ELOVL6: variants seen among roughly 807,000 people sequenced by gnomAD.
The protein encoded by ELOVL6 is ELOVL fatty acid elongase 6, also known as very long chain fatty acid elongase 6.
ELOVL6 carries 8 observed loss-of-function variants against 31.7 expected under a neutral mutation model. The ratio of observed to expected loss-of-function variants is 0.25; its 90% CI spans 0.15 to 0.45. ELOVL6 has a LOEUF of 0.45. Among genes scored for constraint, ELOVL6 ranks in the 20% least tolerant of loss-of-function variants. The probability of loss-of-function intolerance (pLI) is 1.00; values close to 1 mark genes in which losing one functional copy is unlikely to be tolerated. For synonymous variants in ELOVL6, 101 were observed against 117.7 expected, an observed-to-expected ratio of 0.86 and a Z score of 0.92; for missense variants, 126 against 326.4, an observed-to-expected ratio of 0.39 and a Z score of 4.73.
At chr4:110,112,310 A>G (rs1238007260) in intron 1 of ELOVL6, among the ~76,000 whole-genome samples, 1 of 152,214 alleles carries the variant, frequency 6.6e-6, no homozygotes. Context: ...ATCAGATGGG[A>G]TCACCTTTAG....
chr4:110,081,899 A>G (rs918132310), intron 2 of ELOVL6, among the ~76,000 whole-genome samples: 1 of 151,040 alleles, frequency 6.6e-6, no homozygotes, highest in African/African-American at 2.4e-5. Context: ...ATTTACAAGA[A>G]AAAAACAAAC....
chr4:110,197,299 C>T (rs1377151961), intron 1 of ELOVL6, among the ~76,000 whole-genome samples: 1 of 152,224 alleles, frequency 6.6e-6, no homozygotes, highest in East Asian at 1.9e-4. Flanking sequence ...GATGAGCACA[C>T]CCTCCTCTGT....
In ELOVL6 at chr4:110,198,081, C is replaced by A. The variant is rs772982609; in HGVS notation, c.89+166G>T. ...AGACCTCGCGCTTCATGTACCCCCC[C>A]CCCCCCAGCGTCTCCTGCACCCGGG... is the stretch of plus-strand genomic sequence containing the variant. On this transcript the variant is annotated intron_variant, in intron 1 of 3. Transcript: ENST00000302274. The A allele has an allele frequency of 3.3e-5, 19 of 576,508 alleles. 2 individuals are homozygous for A. The highest frequency in any genetic ancestry group is 9.8e-5 in the East Asian group (3 of 30,488). The allele number at this position is 576,508 out of a possible 1,614,324, so 35.7% of individuals were successfully genotyped here.
intron 1 of ELOVL6, among the ~76,000 whole-genome samples, chr4:110,192,082 C>G (rs1383187656): frequency 6.6e-6 from 1 of 151,148 alleles, no homozygotes; most frequent in Non-Finnish European, 1.5e-5. Context: ...CCCAGCTACT[C>G]AGGAGGTTGA....
rs114741071 is a variant in ELOVL6 at position 110,092,993 on chromosome 4, G to A, written c.221+12504C>T. The A allele has an allele frequency of 4.9e-4, 154 of 316,832 alleles. 1 individual carries two copies. Among genetic ancestry groups the A allele is most frequent in the Non-Finnish European group, 2.9e-4 (46 of 160,278 alleles). The allele number at this position is 316,832 out of a possible 1,614,324, so 19.6% of individuals were successfully genotyped here. A position where few individuals can be genotyped will look rare whatever the true frequency, so the allele number is the denominator to read the frequency against. On this transcript the variant is annotated intron_variant, in intron 2 of 3. Coordinates refer to ENST00000302274, the MANE Select transcript of ELOVL6 (RefSeq NM_024090.3). The stretch of plus-strand genomic sequence containing the variant: ...AGTATATTACATCCTAAACTAACAC[G>A]CAATCTCTTCTAGAATGCTCATTTT...
chr4:110,157,376 T>C (rs1430101792), intron 1 of ELOVL6, among the ~76,000 whole-genome samples: 1 of 152,056 alleles, frequency 6.6e-6, no homozygotes, highest in African/African-American at 2.4e-5. Context: ...TACTCTAAAA[T>C]ATGTCTTGGA....
At chr4:110,170,435 T>C (rs1016646736) in intron 1 of ELOVL6, among the ~76,000 whole-genome samples, 2 of 152,240 alleles carry the variant, frequency 1.3e-5, no homozygotes, top group African/African-American at 4.8e-5. Flanking sequence ...TCAATACTCA[T>C]AGTACTTTTG....
At chr4:110,086,346 A>G (rs1756263080) in intron 2 of ELOVL6, among the ~76,000 whole-genome samples, 1 of 152,336 alleles carries the variant, frequency 6.6e-6, no homozygotes, top group East Asian at 1.9e-4. Flanking sequence ...CATCTGAATC[A>G]TGACATTTGG....
chr4:110,093,112 G>C lies in ELOVL6; in HGVS notation c.221+12385C>G, dbSNP rs562840028. 4.6e-5 allele frequency: 21 copies of C among 452,478 alleles called. 1 individual carries two copies. Among genetic ancestry groups the C allele is most frequent in the East Asian group, 2.8e-4 (4 of 14,356 alleles). 28.0% of individuals were successfully genotyped at this position (452,478 alleles called of 1,614,324 possible). A position where few individuals can be genotyped will look rare whatever the true frequency, so the allele number is the denominator to read the frequency against. ...ACGATTTAAAGAATCTTACATGTCA[G>C]CTGTTTCAAGTTGTTATAGCACCTG... is the stretch of plus-strand genomic sequence containing the variant. On this transcript the variant is annotated intron_variant, in intron 2 of 3. Coordinates refer to ENST00000302274, the MANE Select transcript of ELOVL6 (RefSeq NM_024090.3).
rs3733624 is a variant in ELOVL6, at chr4:110,047,354, C to G, written c.*3984G>C. 0.056 allele frequency: 8,183 copies of G among 146,276 alleles called. 609 individuals carry two copies. The highest frequency in any genetic ancestry group is 0.31 in the East Asian group (1,582 of 5,036). The allele number at this position is 146,276 out of a possible 1,614,324, so 9.1% of individuals were successfully genotyped here. On this transcript the variant is annotated 3_prime_UTR_variant, in exon 4 of 4. Transcript: ENST00000302274. ...TAAGGAAACCAAAAAAAAAAAAAAG[C>G]CCTCAGAATATGCCCTAGCTGCCTC...
chr4:110,170,423 A>G (rs1190016622), intron 1 of ELOVL6, among the ~76,000 whole-genome samples: 1 of 152,214 alleles, frequency 6.6e-6, no homozygotes, highest in Non-Finnish European at 1.5e-5. Flanking sequence ...GTAACCTCCA[A>G]ATCAATACTC....
intron 1 of ELOVL6, among the ~76,000 whole-genome samples, chr4:110,115,935 C>G (rs1052514777): frequency 4.6e-5 from 7 of 152,258 alleles, no homozygotes; most frequent in African/African-American, 1.7e-4. Flanking sequence ...TGGCTCATGG[C>G]TGCCTCCTTC....
At chr4:110,058,521 CAG>C (rs1354884205) in intron 3 of ELOVL6, among the ~76,000 whole-genome samples, 1 of 152,160 alleles carries the variant, frequency 6.6e-6, no homozygotes, top group East Asian at 1.9e-4. Context: ...CCACACAAAT[CAG>C]ACAGTTCCCA....
At chr4:110,109,664 A>C (rs1454848708) in intron 1 of ELOVL6, among the ~76,000 whole-genome samples, 1 of 152,196 alleles carries the variant, frequency 6.6e-6, no homozygotes, top group Admixed American at 6.5e-5. Flanking sequence ...AGTATGCATA[A>C]ATTGAAATAC....
chr4:110,060,476 A>G (rs1755105719), intron 2 of ELOVL6, among the ~76,000 whole-genome samples: 1 of 152,236 alleles, frequency 6.6e-6, no homozygotes, highest in Admixed American at 6.5e-5. Flanking sequence ...ATCTCCACAT[A>G]GGCACAGGTG....
chr4:110,053,142 T>C (rs1448714448), intron 3 of ELOVL6, among the ~76,000 whole-genome samples: 1 of 152,190 alleles, frequency 6.6e-6, no homozygotes, highest in Non-Finnish European at 1.5e-5. Flanking sequence ...CTTGAACTCC[T>C]GAGCTCAAGC....
chr4:110,056,692 C>T (rs1367089433), intron 3 of ELOVL6, among the ~76,000 whole-genome samples: 1 of 152,082 alleles, frequency 6.6e-6, no homozygotes, highest in South Asian at 2.1e-4. Context: ...TTAACTGCAT[C>T]GATTATTGGA....
intron 1 of ELOVL6, among the ~76,000 whole-genome samples, chr4:110,175,128 A>C (rs1277504446): frequency 6.6e-6 from 1 of 152,150 alleles, no homozygotes; most frequent in Non-Finnish European, 1.5e-5. Context: ...TCATGCCTGT[A>C]ATCGCAATAC....
chr4:110,089,999 T>C (rs1756374090), intron 2 of ELOVL6, among the ~76,000 whole-genome samples: 1 of 152,230 alleles, frequency 6.6e-6, no homozygotes, highest in Non-Finnish European at 1.5e-5. Context: ...CCTGGGATTC[T>C]ATTCTGAGGT....
Sources: allele counts gnomAD v4.1 joint callset (sites outside exome capture counted in the v4.1 genomes callset), GRCh38; gene constraint gnomAD v4.1.1; transcripts MANE v1.5; gene names NCBI Gene and HGNC (gene_info 2026-07-23, HGNC 2026-07-21).